Variants in CADM2 observed in about 807,000 individuals in gnomAD.
CADM2 encodes the protein immunoglobulin superfamily member 4D.
In CADM2, 12 loss-of-function variants were observed where a neutral mutation model predicts 49.8. The observed-to-expected ratio is 0.24, with a 90% CI of 0.15 to 0.39. The LOEUF (loss-of-function observed/expected upper bound fraction) is 0.39. Among genes scored for constraint, CADM2 ranks in the 10% least tolerant of loss-of-function variants. The pLI is 1.00. For missense variants in CADM2, 378 were observed against 492.3 expected, an observed-to-expected ratio of 0.77 and a Z score of 2.20; for synonymous variants, 214 against 175.4, an observed-to-expected ratio of 1.22 and a Z score of -1.74.
In CADM2 at chr3:85,003,670, G is replaced by A. The variant is rs115462923; in HGVS notation, c.61+44002G>A. On this transcript the variant is annotated intron_variant, in intron 1 of 9. Coordinates refer to ENST00000383699, the MANE Select transcript of CADM2 (RefSeq NM_001167675.2). The stretch of plus-strand genomic sequence containing the variant: ...GCTATGATGTACACATTTCTACAGA[G>A]TATTGTGCAATAAGAAAGGATTCCC... Among the ~76,000 whole-genome samples, 966 of 152,176 alleles carry A rather than the reference G, an allele frequency of 6.3e-3. 15 individuals are homozygous for A. The highest frequency in any genetic ancestry group is 0.022 in the African/African-American group (924 of 41,514).
chr3:85,803,067 A>G (rs1471882976), intron 3 of CADM2, among the ~76,000 whole-genome samples: 1 of 152,138 alleles, frequency 6.6e-6, no homozygotes, highest in Non-Finnish European at 1.5e-5. Context: ...TTAAACAATT[A>G]AAATATCACA....
chr3:85,953,562 G>A (rs995458137), intron 7 of CADM2, among the ~76,000 whole-genome samples: 16 of 150,896 alleles, frequency 1.1e-4, no homozygotes, highest in Admixed American at 8.6e-4. Context: ...AAGCCTATTA[G>A]AATGTCCCTA....
chr3:85,959,321 C>T (rs1724526762), intron 7 of CADM2, among the ~76,000 whole-genome samples: 1 of 151,740 alleles, frequency 6.6e-6, no homozygotes, highest in Admixed American at 6.6e-5. Context: ...CTCTCCAAAC[C>T]CTGCCCTTTT....
At chr3:85,498,702 C>G (rs62250749) in intron 1 of CADM2, among the ~76,000 whole-genome samples, 2 of 151,996 alleles carry the variant, frequency 1.3e-5, no homozygotes, top group Non-Finnish European at 2.9e-5. Flanking sequence ...AACGGAAACA[C>G]GCATAAAATA....
At chr3:85,986,762 G>A (rs1157748384) in intron 8 of CADM2, among the ~76,000 whole-genome samples, 4 of 152,036 alleles carry the variant, frequency 2.6e-5, no homozygotes, top group African/African-American at 9.7e-5. Context: ...AAATGCTTAA[G>A]GAACAAGCAC....
chr3:85,014,707 C>T (rs991861164), intron 1 of CADM2, among the ~76,000 whole-genome samples: 2 of 152,146 alleles, frequency 1.3e-5, no homozygotes, highest in African/African-American at 4.8e-5. Flanking sequence ...TCAACAGGAG[C>T]TTCCAAGCTT....
At position 85,038,209 on chromosome 3, in the gene CADM2, C is replaced by T. The variant is rs114679034; in HGVS notation, c.61+78541C>T. ...GAGTGCCAAGCAGCAAAAAGAGCAG[C>T]GTATGATCATCATTTTGTGAGACCT... is the stretch of plus-strand genomic sequence containing the variant. On this transcript the variant is annotated intron_variant, in intron 1 of 9. Transcript: ENST00000383699. Among the ~76,000 whole-genome samples the T allele has an allele frequency of 5.9e-3, 899 of 152,188 alleles. 2 individuals carry two copies. The highest frequency in any genetic ancestry group is 0.01 in the Non-Finnish European group (707 of 68,012).
intron 1 of CADM2, among the ~76,000 whole-genome samples, chr3:85,660,296 G>C (rs148187030): frequency 1.3e-5 from 2 of 152,092 alleles, no homozygotes; most frequent in East Asian, 3.9e-4. Flanking sequence ...TCAGTGGCAG[G>C]GAGGAGGCAG....
chr3:85,449,079 T>C (rs1341333894), intron 1 of CADM2, among the ~76,000 whole-genome samples: 1 of 147,854 alleles, frequency 6.8e-6, no homozygotes, highest in Non-Finnish European at 1.5e-5. Flanking sequence ...ATAATAATGA[T>C]AAAAATTATA....
chr3:85,299,791 C>A (rs2044050288), intron 1 of CADM2, among the ~76,000 whole-genome samples: 1 of 152,012 alleles, frequency 6.6e-6, no homozygotes, highest in African/African-American at 2.4e-5. Flanking sequence ...AGCTATAATG[C>A]AGGGAACTCA....
At chr3:85,890,646 T>C (rs934901672) in intron 5 of CADM2, among the ~76,000 whole-genome samples, 2 of 152,000 alleles carry the variant, frequency 1.3e-5, no homozygotes, top group African/African-American at 4.8e-5. Flanking sequence ...GGCTGTGACA[T>C]AGGTTTGTGA....
chr3:85,512,218 A>G (rs1576688498), intron 1 of CADM2, among the ~76,000 whole-genome samples: 1 of 152,068 alleles, frequency 6.6e-6, no homozygotes, highest in East Asian at 1.9e-4. Context: ...GTCCATTTGT[A>G]CCCAATGTTT....
At chr3:85,690,278 A>C (rs1208615964) in intron 1 of CADM2, among the ~76,000 whole-genome samples, 1 of 152,120 alleles carries the variant, frequency 6.6e-6, no homozygotes, top group East Asian at 1.9e-4. Context: ...GTGGGGAAAA[A>C]TGAAAAGTAA....
At chr3:85,989,909 A>T (rs1027196519) in intron 8 of CADM2, among the ~76,000 whole-genome samples, 5 of 146,292 alleles carry the variant, frequency 3.4e-5, no homozygotes, top group African/African-American at 1.3e-4. Context: ...GCTACTCAGG[A>T]GGCTGAGGCA....
chr3:85,623,492 A>G (rs1411332394), intron 1 of CADM2, among the ~76,000 whole-genome samples: 4 of 152,158 alleles, frequency 2.6e-5, no homozygotes, highest in African/African-American at 7.2e-5. Context: ...TGCAGATTGT[A>G]GGAGCCCAAA....
chr3:85,898,578 T>A (rs1055844169), intron 5 of CADM2, among the ~76,000 whole-genome samples: 10 of 151,760 alleles, frequency 6.6e-5, no homozygotes, highest in Admixed American at 2.0e-4. Flanking sequence ...TCTTTCTTTT[T>A]TTTTTTTTGA....
intron 3 of CADM2, among the ~76,000 whole-genome samples, chr3:85,869,336 TAGTC>T (rs907623264): frequency 2.6e-5 from 4 of 152,098 alleles, no homozygotes; most frequent in African/African-American, 7.2e-5. Context: ...TTTAGAAAAG[TAGTC>T]AGCTTCGTTC....
chr3:85,367,191 C>T (rs972495144), intron 1 of CADM2, among the ~76,000 whole-genome samples: 14 of 151,758 alleles, frequency 9.2e-5, no homozygotes, highest in African/African-American at 3.1e-4. Flanking sequence ...TTTGAAAAAC[C>T]ATTAATATAA....
At chr3:85,803,718 C>T (rs796722987) in intron 3 of CADM2, among the ~76,000 whole-genome samples, 1 of 152,042 alleles carries the variant, frequency 6.6e-6, no homozygotes, top group East Asian at 1.9e-4. Context: ...CAGACTTTCT[C>T]ATAAGGCCTT....
Sources: gnomAD v4.1 joint callset for allele counts (sites outside exome capture counted in the v4.1 genomes callset) on GRCh38, gnomAD v4.1.1 for gene constraint, MANE v1.5 for transcripts, NCBI Gene and HGNC (gene_info 2026-07-23, HGNC 2026-07-21) for gene names.